Variants in SLC41A1 observed in about 807,000 individuals in gnomAD.
SLC41A1 encodes the protein solute carrier family 41 (magnesium transporter), member 1.
Under a neutral mutation model 47.3 loss-of-function variants are expected in SLC41A1, and 20 were observed. The ratio of observed to expected loss-of-function variants is 0.42; its 90% CI spans 0.30 to 0.61. The LOEUF (loss-of-function observed/expected upper bound fraction) is 0.61, where lower values mean the gene tolerates loss of function less well. Among genes scored for constraint, SLC41A1 ranks in the 20% least tolerant of loss-of-function variants. SLC41A1 has a pLI of 0.17. For missense variants in SLC41A1, 504 were observed against 674.1 expected (o/e 0.75, Z 2.79); for synonymous variants, 282 against 272.7 (o/e 1.03, Z -0.34).
Position 205,813,192 on chromosome 1 carries a change from G to A in SLC41A1, c.-1031C>T. 2.0e-6 allele frequency: 2 copies of A among 985,406 alleles called. No individual in the cohort carries two copies. Among genetic ancestry groups the A allele is most frequent in the Non-Finnish European group, 2.4e-6 (2 of 829,992 alleles). The allele number at this position is 985,406 out of a possible 1,614,324, so 61.0% of individuals were successfully genotyped here. On this transcript the variant is annotated 5_prime_UTR_variant, in exon 1 of 11. Transcript: ENST00000367137. Reference sequence around the variant, plus strand: ...CTGCCGGTGGCAAACGTGATCTGGGGCAGACTGGGTGGCACCCCCCCCGCT... The same window carrying A: ...CTGCCGGTGGCAAACGTGATCTGGGACAGACTGGGTGGCACCCCCCCCGCT...
intron 2 of SLC41A1, among the ~76,000 whole-genome samples, chr1:205,805,033 C>G (rs1478053275): frequency 6.6e-6 from 1 of 152,116 alleles, no homozygotes; most frequent in Non-Finnish European, 1.5e-5. Context: ...CACAATGCAC[C>G]CTCTCCTTAT....
At chr1:205,803,547 G>C (rs906888542) in intron 2 of SLC41A1, among the ~76,000 whole-genome samples, 1 of 151,502 alleles carries the variant, frequency 6.6e-6, no homozygotes, top group Non-Finnish European at 1.5e-5. Context: ...GAACCTTGAG[G>C]ACATTACTCT....
chr1:205,800,546 G>A (rs1655855492), intron 3 of SLC41A1, among the ~76,000 whole-genome samples: 2 of 150,464 alleles, frequency 1.3e-5, no homozygotes, highest in African/African-American at 2.5e-5. Context: ...GGCTGGGGGT[G>A]CTGGGAGGGC....
chr1:205,795,612 T>C (rs1166641988), intron 8 of SLC41A1, 134 bp from the exon 9 acceptor site: 7 of 1,080,916 alleles, frequency 6.5e-6, no homozygotes, highest in Non-Finnish European at 9.6e-6. Context: ...TATGTGGGCA[T>C]CACCCATTCA....
intron 2 of SLC41A1, among the ~76,000 whole-genome samples, chr1:205,806,845 T>C (rs775738209): frequency 5.9e-5 from 9 of 152,220 alleles, no homozygotes; most frequent in Non-Finnish European, 1.3e-4. Flanking sequence ...TTTCTTTTTC[T>C]TTTAAATTAA....
At chr1:205,807,813 T>C (rs975946957) in intron 2 of SLC41A1, among the ~76,000 whole-genome samples, 1 of 147,398 alleles carries the variant, frequency 6.8e-6, no homozygotes, top group Non-Finnish European at 1.5e-5. Context: ...AATGCCACCA[T>C]GCCTGACTAT....
rs758340838 is a variant in SLC41A1 at position 205,810,433 on chromosome 1, A to G, written c.9T>C (p.Ser3=). The G allele has an allele frequency of 1.9e-6, 3 of 1,614,244 alleles. No homozygotes were observed. The highest frequency in any genetic ancestry group is 1.7e-5 in the Admixed American group (1 of 60,036). The change falls in exon 2 of 11, where the codon TCT becomes TCC. Residue 3 remains serine, a synonymous_variant. Coordinates refer to ENST00000367137, the MANE Select transcript of SLC41A1 (RefSeq NM_173854.6). The surrounding 1 kb of genome is among the most constrained non-coding windows in gnomAD (Gnocchi z 5.5). The part of the protein sequence containing the change: MS[S]KPEPKDVHQL... The stretch of plus-strand genomic sequence containing the variant: ...GGTGGACGTCCTTCGGCTCTGGCTT[A>G]GAGGACATGACAGGCACGGAGGAGG...
chr1:205,799,970 G>A, intron 3 of SLC41A1, 140 bp from the exon 4 acceptor site: 1 of 745,326 alleles, frequency 1.3e-6, no homozygotes, highest in Non-Finnish European at 2.3e-6. Context: ...CCGGAAAGGT[G>A]AAGCAGGATC....
intron 2 of SLC41A1, among the ~76,000 whole-genome samples, chr1:205,806,290 G>A (rs1437788137): frequency 2.0e-5 from 3 of 152,192 alleles, no homozygotes; most frequent in Non-Finnish European, 4.4e-5. Flanking sequence ...GCGGCCACAG[G>A]AGCAGGCCAG....
intron 1 of SLC41A1, among the ~76,000 whole-genome samples, chr1:205,811,971 C>T (rs1210646420): frequency 3.3e-5 from 5 of 152,126 alleles, no homozygotes; most frequent in Non-Finnish European, 7.3e-5. Flanking sequence ...TAGTGGAATT[C>T]TTAGAAACAA....
At position 205,798,652 on chromosome 1, in the gene SLC41A1, C is replaced by A; in HGVS notation, c.844+17G>T. The A allele has an allele frequency of 6.2e-7, 1 of 1,614,198 alleles. No individual in the cohort carries two copies. Among genetic ancestry groups the A allele is most frequent in the Non-Finnish European group, 8.5e-7 (1 of 1,180,042 alleles). On this transcript the variant is annotated intron_variant, in intron 6 of 10. Transcript: ENST00000367137. ...CCCCACCCAGGACTCCAAGAAGCCA[C>A]ACTCTTGGTGGCTCACTCAGTTCCA...
chr1:205,806,210 G>C (rs553905297), intron 2 of SLC41A1, among the ~76,000 whole-genome samples: 40 of 152,342 alleles, frequency 2.6e-4, no homozygotes, highest in African/African-American at 9.1e-4. Context: ...CAGCAGGCAG[G>C]GGACAGAGAT....
At chr1:205,804,616 T>A (rs1655971512) in intron 2 of SLC41A1, among the ~76,000 whole-genome samples, 1 of 152,130 alleles carries the variant, frequency 6.6e-6, no homozygotes, top group Non-Finnish European at 1.5e-5. Context: ...CCACTGAGGC[T>A]CCAGCTCCCT....
In SLC41A1 at chr1:205,810,735, G is replaced by A; in HGVS notation, c.-294C>T. 1 of 479,494 alleles carries A rather than the reference G, an allele frequency of 2.1e-6. No homozygotes were observed. Among genetic ancestry groups the A allele is most frequent in the East Asian group, 4.0e-5 (1 of 25,192 alleles). 29.7% of individuals were successfully genotyped at this position (479,494 alleles called of 1,614,324 possible). A position where few individuals can be genotyped will look rare whatever the true frequency, so the allele number is the denominator to read the frequency against. ...CACCAGCTCTGTGCTTGAAGAAAAA[G>A]TATCTGTCCTCTTATCTTCTTTGGT... is the stretch of plus-strand genomic sequence containing the variant. On this transcript the variant is annotated 5_prime_UTR_variant, in exon 2 of 11. Coordinates refer to ENST00000367137, the MANE Select transcript of SLC41A1 (RefSeq NM_173854.6). This position sits in a 1 kb window ranked among gnomAD's most constrained non-coding sequence, Gnocchi z 5.5.
rs1655803007 is a variant in SLC41A1 at position 205,798,715 on chromosome 1, G to A, written c.798C>T (p.Thr266=). The change falls in exon 6 of 11, where the codon ACC becomes ACT. Residue 266 remains threonine (T), a synonymous_variant. Transcript: ENST00000367137. ...AGCTGATGCCTGAGAGCAGCGCCAA[G>A]GTGATGAGGTCGCCCAGGCTGGCAG... ...PIAASLGDLI[T]LALLSGISWG... is the part of the protein sequence containing the mutation. The A allele has an allele frequency of 1.2e-6, 2 of 1,614,172 alleles. No individual in the cohort carries two copies. Among genetic ancestry groups the A allele is most frequent in the Non-Finnish European group, 1.7e-6 (2 of 1,180,036 alleles).
At chr1:205,795,085 A>G in intron 9 of SLC41A1, 67 bp from the exon 10 acceptor site, 2 of 1,597,826 alleles carry the variant, frequency 1.3e-6, no homozygotes. Flanking sequence ...AAGGCCTTTC[A>G]AAGTCAGGAG....
At chr1:205,795,308 C>G (rs778108172) in intron 9 of SLC41A1, 36 bp downstream of exon 9, 2 of 1,613,748 alleles carry the variant, frequency 1.2e-6, no homozygotes, top group Admixed American at 1.7e-5. Context: ...TAGGCCCACT[C>G]CCCCCAGGGC....
chr1:205,799,735 C>T (rs776760420), intron 4 of SLC41A1, 24 bp downstream of exon 4: 24 of 1,613,258 alleles, frequency 1.5e-5, no homozygotes, highest in African/African-American at 2.7e-5. Flanking sequence ...CTTAGCCCAC[C>T]CTCTCTGGTC....
At chr1:205,802,262 A>G (rs537655072) in intron 2 of SLC41A1, among the ~76,000 whole-genome samples, 1 of 152,304 alleles carries the variant, frequency 6.6e-6, no homozygotes, top group African/African-American at 2.4e-5. Context: ...AGGAGACAGC[A>G]GGGATGGCCC....
Sources: allele counts gnomAD v4.1 joint callset (sites outside exome capture counted in the v4.1 genomes callset), GRCh38; gene constraint gnomAD v4.1.1; non-coding constraint Gnocchi (gnomAD v3.1); transcripts MANE v1.5; gene names NCBI Gene and HGNC (gene_info 2026-07-23, HGNC 2026-07-21).